Variants in ZNF385B observed in about 807,000 individuals in gnomAD.
The protein encoded by ZNF385B is zinc finger protein 385B, also known as zinc finger protein 533.
ZNF385B carries 23 observed loss-of-function variants against 39.2 expected under a neutral mutation model. The observed-to-expected ratio is 0.59, with a 90% CI of 0.42 to 0.83. The LOEUF is 0.83. Among genes scored for constraint, ZNF385B ranks in the 40% least tolerant of loss-of-function variants. The pLI is 0.00. For missense variants in ZNF385B, 552 were observed against 598.9 expected (o/e 0.92, Z 0.82); for synonymous variants, 205 against 222.6 (o/e 0.92, Z 0.70).
chr2:179,697,453 C>T (rs566324614), intron 3 of ZNF385B, among the ~76,000 whole-genome samples: 14 of 152,286 alleles, frequency 9.2e-5, no homozygotes, highest in East Asian at 5.8e-4. Context: ...GTTTCCCCTT[C>T]GCCTTCCACT....
chr2:179,766,509 C>T (rs1320361454), intron 3 of ZNF385B, among the ~76,000 whole-genome samples: 1 of 152,120 alleles, frequency 6.6e-6, no homozygotes. Flanking sequence ...TTGGTTCCTT[C>T]TGAGGGCTGT....
chr2:179,771,343 T>C (rs967362735), intron 1 of ZNF385B, among the ~76,000 whole-genome samples: 1 of 152,184 alleles, frequency 6.6e-6, no homozygotes, highest in Non-Finnish European at 1.5e-5. Context: ...TAATGTATAG[T>C]ATGCCAAAAA....
In ZNF385B at chr2:179,681,168, C is replaced by T. The variant is rs559963386; in HGVS notation, c.298+88335G>A. ...ATTGATATTTTCTCCTAAACCTCTT[C>T]GTTTTTAAAACTACATAAATTTATT... On this transcript the variant is annotated intron_variant, in intron 3 of 9. Transcript: ENST00000410066. 1.1e-3 allele frequency among the ~76,000 whole-genome samples: 168 copies of T among 148,454 alleles called. 1 individual carries two copies. Among genetic ancestry groups the T allele is most frequent in the African/African-American group, 3.4e-3 (137 of 40,392 alleles).
At chr2:179,638,759 C>A (rs1026171574) in intron 3 of ZNF385B, among the ~76,000 whole-genome samples, 1 of 151,958 alleles carries the variant, frequency 6.6e-6, no homozygotes, top group Admixed American at 6.6e-5. Flanking sequence ...GGGATGGGAC[C>A]AAGTTAGGGC....
chr2:179,615,126 T>C (rs963024486), intron 3 of ZNF385B, among the ~76,000 whole-genome samples: 2 of 152,190 alleles, frequency 1.3e-5, no homozygotes, highest in Admixed American at 1.3e-4. Flanking sequence ...ACTGCTGTCA[T>C]AGAGACATGG....
chr2:179,544,064 G>C (rs974033225), intron 4 of ZNF385B, among the ~76,000 whole-genome samples: 2 of 152,128 alleles, frequency 1.3e-5, no homozygotes, highest in Non-Finnish European at 2.9e-5. Flanking sequence ...GCATTCACCT[G>C]AACTGTGAAC....
chr2:179,716,699 T>C (rs1338471463), intron 3 of ZNF385B, among the ~76,000 whole-genome samples: 3 of 152,184 alleles, frequency 2.0e-5, no homozygotes, highest in African/African-American at 4.8e-5. Context: ...AAAGTGGCAG[T>C]GAATGTCTTT....
intron 3 of ZNF385B, among the ~76,000 whole-genome samples, chr2:179,725,918 A>G (rs922650894): frequency 5.6e-5 from 8 of 142,960 alleles, no homozygotes; most frequent in African/African-American, 1.9e-4. Context: ...GTGTATATAT[A>G]TATATATATA....
rs1693703434 is a variant in ZNF385B, at chr2:179,655,860, T to A, written c.299-110891A>T. 1.3e-5 allele frequency among the ~76,000 whole-genome samples: 2 copies of A among 152,170 alleles called. 1 individual carries two copies. Among genetic ancestry groups the A allele is most frequent in the East Asian group, 3.8e-4 (2 of 5,202 alleles). The stretch of plus-strand genomic sequence containing the variant: ...GGGAATTCCAAGTAATACTGAGTCA[T>A]GGTTCTAGGGGAATAAAACAATTAC... On this transcript the variant is annotated intron_variant, in intron 3 of 9. Transcript: ENST00000410066.
intron 1 of ZNF385B, among the ~76,000 whole-genome samples, chr2:179,839,967 C>A (rs1278454562): frequency 6.6e-6 from 1 of 152,100 alleles, no homozygotes; most frequent in East Asian, 1.9e-4. Context: ...TTCTCATTAG[C>A]CAAACCCATT....
chr2:179,766,030 T>TCTCTCACACACACACA (rs1553527783), intron 3 of ZNF385B, among the ~76,000 whole-genome samples: 1 of 140,832 alleles, frequency 7.1e-6, no homozygotes, highest in African/African-American at 2.7e-5. Flanking sequence ...GGTACATTGA[T>TCTCTCACACACACACA]CACACACACA....
At chr2:179,786,009 T>C (rs1252820741) in intron 1 of ZNF385B, among the ~76,000 whole-genome samples, 3 of 152,124 alleles carry the variant, frequency 2.0e-5, no homozygotes, top group African/African-American at 4.8e-5. Flanking sequence ...TTTAAGAAAT[T>C]GCCACTGCCA....
intron 3 of ZNF385B, among the ~76,000 whole-genome samples, chr2:179,709,918 A>G (rs1699881013): frequency 6.6e-6 from 1 of 152,158 alleles, no homozygotes; most frequent in Non-Finnish European, 1.5e-5. Flanking sequence ...CCATAGTAGG[A>G]CTAGTGCAGC....
intron 1 of ZNF385B, among the ~76,000 whole-genome samples, chr2:179,799,536 T>A (rs1355333800): frequency 6.6e-6 from 1 of 152,012 alleles, no homozygotes; most frequent in Admixed American, 6.6e-5. Context: ...CTTGTAGAAA[T>A]TTATAATAGA....
At chr2:179,700,801 C>A (rs760963891) in intron 3 of ZNF385B, among the ~76,000 whole-genome samples, 16 of 152,230 alleles carry the variant, frequency 1.1e-4, no homozygotes, top group Admixed American at 2.6e-4. Context: ...ATCACGAGGA[C>A]AAGAGATTGA....
intron 3 of ZNF385B, among the ~76,000 whole-genome samples, chr2:179,689,782 CATGTGTGTGTGTGTGT>C (rs1297994518): frequency 5.7e-5 from 6 of 104,760 alleles, no homozygotes; most frequent in African/African-American, 2.2e-4. Context: ...AGGGCAGGGG[CATGTGTGTGTGTGTGT>C]GTGTGTGTGT....
intron 3 of ZNF385B, among the ~76,000 whole-genome samples, chr2:179,594,339 T>C (rs907198221): frequency 1.3e-5 from 2 of 152,198 alleles, no homozygotes; most frequent in Admixed American, 6.5e-5. Context: ...TACTCAAAGC[T>C]ACTGAAAATG....
At position 179,701,285 on chromosome 2, in the gene ZNF385B, G is replaced by A. The variant is rs151239190; in HGVS notation, c.298+68218C>T. On this transcript the variant is annotated intron_variant, in intron 3 of 9. Coordinates refer to ENST00000410066, the MANE Select transcript of ZNF385B (RefSeq NM_152520.6). ...AAAATAGCCAGGGTAAGGATTCCCC[G>A]GAGCTATTTTCTTTCTCTGTTTCTC... 2.5e-3 allele frequency among the ~76,000 whole-genome samples: 381 copies of A among 152,166 alleles called. 1 individual carries two copies. The highest frequency in any genetic ancestry group is 8.8e-3 in the African/African-American group (364 of 41,516).
chr2:179,620,500 C>A (rs1690120468), intron 3 of ZNF385B, among the ~76,000 whole-genome samples: 1 of 151,642 alleles, frequency 6.6e-6, no homozygotes, highest in African/African-American at 2.4e-5. Flanking sequence ...TGAGAATAAC[C>A]TATGGAGGCC....
Sources: allele counts gnomAD v4.1 joint callset (sites outside exome capture counted in the v4.1 genomes callset), GRCh38; gene constraint gnomAD v4.1.1; transcripts MANE v1.5; gene names NCBI Gene and HGNC (gene_info 2026-07-23, HGNC 2026-07-21).